The following DLG2 variants were observed in gnomAD, a reference collection of about 807,000 sequenced individuals.
The protein encoded by DLG2 is discs large MAGUK scaffold protein 2, also known as disks large homolog 2.
DLG2 carries 45 observed loss-of-function variants against 132.5 expected under a neutral mutation model. The observed-to-expected ratio is 0.34, with a 90% CI of 0.27 to 0.44. DLG2 has a LOEUF of 0.44. Among genes scored for constraint, DLG2 ranks in the 20% least tolerant of loss-of-function variants. DLG2 has a pLI of 1.00. For missense variants in DLG2, 1,045 were observed against 1,196.9 expected (o/e 0.87, Z 1.87); for synonymous variants, 424 against 419.6 (o/e 1.01, Z -0.13).
intron 6 of DLG2, among the ~76,000 whole-genome samples, chr11:85,008,124 T>G (rs1462660575): frequency 9.9e-5 from 15 of 152,194 alleles, no homozygotes. Flanking sequence ...CATTATTTTA[T>G]GTTAGGTTTC....
chr11:83,509,407 C>T lies in DLG2; in HGVS notation c.2193+23301G>A, dbSNP rs889571916. ...AAAACAGGAAAGTCCTAACTGGAAC[C>T]CAAATCTCTCCACCTACAGAGCATA... On this transcript the variant is annotated intron_variant, in intron 21 of 27. Coordinates refer to ENST00000376104, the MANE Select transcript of DLG2 (RefSeq NM_001142699.3). Among the ~76,000 whole-genome samples the T allele has an allele frequency of 2.8e-4, 43 of 152,154 alleles. 1 individual carries two copies. Among genetic ancestry groups the T allele is most frequent in the Admixed American group, 7.2e-4 (11 of 15,282 alleles).
intron 6 of DLG2, among the ~76,000 whole-genome samples, chr11:84,984,753 T>C (rs902526961): frequency 1.3e-4 from 20 of 152,094 alleles, no homozygotes; most frequent in African/African-American, 4.8e-4. Flanking sequence ...ACACCTAACA[T>C]AAGGACTCAC....
At chr11:83,663,530 T>C (rs2074839514) in intron 18 of DLG2, among the ~76,000 whole-genome samples, 1 of 152,246 alleles carries the variant, frequency 6.6e-6, no homozygotes, top group South Asian at 2.1e-4. Context: ...ACATTGTATC[T>C]GCAGCGTCAT....
At chr11:84,103,876 T>C (rs1031460256) in intron 9 of DLG2, among the ~76,000 whole-genome samples, 3 of 152,096 alleles carry the variant, frequency 2.0e-5, no homozygotes, top group Non-Finnish European at 4.4e-5. Context: ...CATTTATATA[T>C]AATGTTGTAC....
chr11:85,139,557 T>C (rs914222203), intron 5 of DLG2, among the ~76,000 whole-genome samples: 3 of 152,084 alleles, frequency 2.0e-5, no homozygotes, highest in African/African-American at 7.2e-5. Context: ...TATATATACA[T>C]AGTAAAAAGG....
Position 83,458,060 on chromosome 11 carries a change from A to T in DLG2, c.*1758T>A, listed in dbSNP as rs913691326. 6.6e-6 allele frequency: 1 copy of T among 152,594 alleles called. No homozygotes were observed. Among genetic ancestry groups the T allele is most frequent in the African/African-American group, 2.4e-5 (1 of 41,450 alleles). 9.5% of individuals were successfully genotyped at this position (152,594 alleles called of 1,614,324 possible). On this transcript the variant is annotated 3_prime_UTR_variant, in exon 28 of 28. Transcript: ENST00000376104. ...GAAGCCCCATCACTCTGATGGCTCT[A>T]TCTCTTGCTCTCCTACCCAGCCTAC...
intron 15 of DLG2, among the ~76,000 whole-genome samples, chr11:83,889,958 T>G (rs2154084598): frequency 1.2e-5 from 1 of 82,072 alleles, no homozygotes; most frequent in Middle Eastern, 0.012. Context: ...TGGGGACTGT[T>G]GTGGGGTGGG....
At chr11:85,285,737 T>G (rs767057635) in intron 3 of DLG2, among the ~76,000 whole-genome samples, 10 of 151,998 alleles carry the variant, frequency 6.6e-5, no homozygotes, top group South Asian at 2.1e-4. Context: ...GGATACATAC[T>G]GTATGATTCC....
intron 10 of DLG2, among the ~76,000 whole-genome samples, chr11:84,076,527 C>A (rs1159722524): frequency 3.3e-5 from 5 of 152,194 alleles, no homozygotes; most frequent in Admixed American, 3.3e-4. Context: ...ATTCACACAG[C>A]AGATAACAGA....
intron 6 of DLG2, among the ~76,000 whole-genome samples, chr11:85,000,963 G>C (rs688329): frequency 6.6e-6 from 1 of 151,968 alleles, no homozygotes; most frequent in Non-Finnish European, 1.5e-5. Flanking sequence ...CTGGAACACT[G>C]TATTGAGAAT....
At chr11:84,987,376 A>C (rs1298407352) in intron 6 of DLG2, among the ~76,000 whole-genome samples, 2 of 152,202 alleles carry the variant, frequency 1.3e-5, no homozygotes, top group Admixed American at 6.5e-5. Flanking sequence ...CAAAATTACC[A>C]TCAAAATAAC....
intron 6 of DLG2, among the ~76,000 whole-genome samples, chr11:85,096,870 C>T (rs1267551930): frequency 6.6e-6 from 1 of 152,146 alleles, no homozygotes; most frequent in Non-Finnish European, 1.5e-5. Flanking sequence ...GTCAGGCTAT[C>T]TGGGAAAGGG....
chr11:84,840,317 A>C (rs1378035862), intron 6 of DLG2, among the ~76,000 whole-genome samples: 1 of 152,074 alleles, frequency 6.6e-6, no homozygotes. Context: ...TTAGAATGGC[A>C]ATCATTAAAA....
At chr11:85,410,211 A>G (rs954882965) in intron 3 of DLG2, among the ~76,000 whole-genome samples, 5 of 151,890 alleles carry the variant, frequency 3.3e-5, no homozygotes, top group Non-Finnish European at 5.9e-5. Flanking sequence ...CTCTCCCATT[A>G]TGAGAATCAG....
intron 6 of DLG2, among the ~76,000 whole-genome samples, chr11:85,042,242 C>T (rs1457791734): frequency 6.6e-6 from 1 of 151,896 alleles, no homozygotes; most frequent in Non-Finnish European, 1.5e-5. Flanking sequence ...GAATTGTTGG[C>T]ATATTCATAG....
intron 3 of DLG2, among the ~76,000 whole-genome samples, chr11:85,378,190 T>A (rs1235215154): frequency 2.6e-5 from 4 of 152,112 alleles, no homozygotes; most frequent in Non-Finnish European, 5.9e-5. Context: ...TCCAAACAAT[T>A]CATACAGAAA....
Position 84,208,480 on chromosome 11 carries a change from A to T in DLG2, c.573+42758T>A, listed in dbSNP as rs144241490. Among the ~76,000 whole-genome samples, 43 of 151,280 alleles carry T rather than the reference A, an allele frequency of 2.8e-4. 3 individuals are homozygous for T. The highest frequency in any genetic ancestry group is 1.0e-3 in the African/African-American group (42 of 41,116). On this transcript the variant is annotated intron_variant, in intron 8 of 27. Transcript: ENST00000376104. ...TGCCTCAGCCTCCTGAGTAGCTGGG[A>T]CTACAGGTGCGCGCCACCACACATG...
At chr11:85,474,056 A>G (rs556043234) in intron 3 of DLG2, among the ~76,000 whole-genome samples, 1 of 152,184 alleles carries the variant, frequency 6.6e-6, no homozygotes, top group East Asian at 1.9e-4. Flanking sequence ...CTCCAACTCT[A>G]TGTTTCTTAC....
intron 2 of DLG2, among the ~76,000 whole-genome samples, chr11:85,611,329 C>T (rs565989950): frequency 6.6e-6 from 1 of 152,194 alleles, no homozygotes; most frequent in African/African-American, 2.4e-5. Context: ...GGCTATCAGA[C>T]AACTGCCTAC....
Sources: gnomAD v4.1 joint callset for allele counts (sites outside exome capture counted in the v4.1 genomes callset) on GRCh38, gnomAD v4.1.1 for gene constraint, MANE v1.5 for transcripts, NCBI Gene and HGNC (gene_info 2026-07-23, HGNC 2026-07-21) for gene names.